GNG2: variants seen among roughly 807,000 people sequenced by gnomAD.
GNG2 encodes G protein subunit gamma 2.
In GNG2, 5 loss-of-function variants were observed where a neutral mutation model predicts 5.5. That is an observed-to-expected ratio of 0.91 (90% CI 0.48 to 1.92). The LOEUF (loss-of-function observed/expected upper bound fraction) is 1.92. GNG2 is among the 30% of genes most tolerant of loss of function. The pLI is 0.01. For missense variants in GNG2, 55 were observed against 88.4 expected (o/e 0.62, Z 1.52); for synonymous variants, 28 against 32.0 (o/e 0.88, Z 0.42).
At chr14:51,911,196 A>C (rs4901174) in intron 2 of GNG2, among the ~76,000 whole-genome samples, 2 of 152,096 alleles carry the variant, frequency 1.3e-5, no homozygotes, top group African/African-American at 4.8e-5. Flanking sequence ...CAAAGTGTAA[A>C]GTGGCTTGGT....
intron 1 of GNG2, among the ~76,000 whole-genome samples, chr14:51,865,321 C>T (rs2140109721): frequency 6.6e-6 from 1 of 152,106 alleles, no homozygotes; most frequent in Middle Eastern, 3.4e-3. Context: ...ATTTAGTCTC[C>T]ACCCTCCCAC....
upstream of GNG2, among the ~76,000 whole-genome samples, chr14:51,856,968 C>T (rs1882191176): frequency 6.6e-6 from 1 of 152,152 alleles, no homozygotes; most frequent in South Asian, 2.1e-4. Flanking sequence ...TTTGAGACTT[C>T]CTTTTCCTCC....
chr14:51,943,007 G>A (rs548708039), intron 2 of GNG2, among the ~76,000 whole-genome samples: 3 of 152,108 alleles, frequency 2.0e-5, no homozygotes, highest in East Asian at 3.9e-4. Flanking sequence ...TTCAGGAATC[G>A]ATTTTCCCCA....
chr14:51,905,503 C>T (rs1885858921), intron 2 of GNG2, among the ~76,000 whole-genome samples: 2 of 152,132 alleles, frequency 1.3e-5, no homozygotes, highest in Non-Finnish European at 2.9e-5. Context: ...TTTAGATTAA[C>T]AGTGAAAAAA....
intron 1 of GNG2, among the ~76,000 whole-genome samples, chr14:51,868,598 T>C (rs989302961): frequency 3.3e-5 from 5 of 152,172 alleles, no homozygotes; most frequent in Non-Finnish European, 5.9e-5. Flanking sequence ...GATTCAGCCA[T>C]GTAAAGATAT....
At chr14:51,915,333 G>C (rs1181822639) in intron 2 of GNG2, among the ~76,000 whole-genome samples, 1 of 152,200 alleles carries the variant, frequency 6.6e-6, no homozygotes, top group Non-Finnish European at 1.5e-5. Context: ...CATTATGAGG[G>C]AGAGGATGCA....
chr14:51,866,387 C>A (rs768047766), intron 1 of GNG2, among the ~76,000 whole-genome samples: 8 of 152,114 alleles, frequency 5.3e-5, no homozygotes, highest in Non-Finnish European at 1.2e-4. Flanking sequence ...TCAACCAAGT[C>A]CCTACTGCCT....
chr14:51,926,619 C>G (rs1325890337), intron 2 of GNG2, among the ~76,000 whole-genome samples: 3 of 152,120 alleles, frequency 2.0e-5, no homozygotes, highest in African/African-American at 7.2e-5. Context: ...GCAGAGTGCA[C>G]GCTGGGGTGG....
intron 3 of GNG2, among the ~76,000 whole-genome samples, 190 bp from the exon 4 acceptor site, chr14:51,966,369 C>T (rs1323713824): frequency 6.6e-6 from 1 of 152,174 alleles, no homozygotes; most frequent in Non-Finnish European, 1.5e-5. Flanking sequence ...CCCAGACTTG[C>T]TGGCAACAAT....
At chr14:51,863,550 A>G (rs182063819) in intron 1 of GNG2, among the ~76,000 whole-genome samples, 1 of 152,308 alleles carries the variant, frequency 6.6e-6, no homozygotes, top group Non-Finnish European at 1.5e-5. Flanking sequence ...AACATTTCCC[A>G]TTTTAACTAT....
rs79037799 is a variant in GNG2, at chr14:51,847,950, G to A, written c.64+20143G>A. Among the ~76,000 whole-genome samples the A allele has an allele frequency of 8.0e-3, 966 of 120,524 alleles. 8 individuals are homozygous for A. Among genetic ancestry groups the A allele is most frequent in the Middle Eastern group, 0.034 (5 of 146 alleles). The allele number at this position is 120,524 out of a possible 152,430, so 79.1% of individuals were successfully genotyped here. ...CCTCTCATCTTCCTTTTTAACAGTG[G>A]AAGATTAGGCTTTTCCTTTTTCCTC... On this transcript the variant is annotated intron_variant, in intron 2 of 3. Transcript: ENST00000553432.
At chr14:51,946,760 A>G (rs574242453) in intron 2 of GNG2, among the ~76,000 whole-genome samples, 2 of 152,252 alleles carry the variant, frequency 1.3e-5, no homozygotes, top group East Asian at 3.9e-4. Context: ...ACGTGACTCT[A>G]AACCCAAAAT....
intron 1 of GNG2, among the ~76,000 whole-genome samples, chr14:51,864,212 A>T (rs760576309): frequency 5.3e-5 from 8 of 152,076 alleles, no homozygotes; most frequent in Non-Finnish European, 8.8e-5. Flanking sequence ...CCATTTTAAG[A>T]GGTATGAAGT....
At chr14:51,929,319 A>G (rs1887520122) in intron 2 of GNG2, among the ~76,000 whole-genome samples, 1 of 152,172 alleles carries the variant, frequency 6.6e-6, no homozygotes, top group South Asian at 2.1e-4. Flanking sequence ...TCCCATTCCT[A>G]TCTACCCCCG....
chr14:51,896,162 G>A (rs1277860837), intron 2 of GNG2, among the ~76,000 whole-genome samples: 1 of 152,178 alleles, frequency 6.6e-6, no homozygotes, highest in Non-Finnish European at 1.5e-5. Flanking sequence ...GTCAAGATGG[G>A]ATACTAAAAA....
intron 2 of GNG2, among the ~76,000 whole-genome samples, chr14:51,835,622 A>G (rs73287171): frequency 0.098 from 14,832 of 152,120 alleles, 1,271 homozygotes; most frequent in African/African-American, 0.23. Context: ...TGCATCTAGA[A>G]AGCCATTTTA....
chr14:51,922,330 G>A (rs929429798), intron 2 of GNG2, among the ~76,000 whole-genome samples: 1 of 152,186 alleles, frequency 6.6e-6, no homozygotes, highest in Non-Finnish European at 1.5e-5. Context: ...AGAAGAAGAA[G>A]ACAAGAAATT....
intron 2 of GNG2, among the ~76,000 whole-genome samples, chr14:51,894,448 T>C (rs1885058681): frequency 2.0e-5 from 3 of 152,132 alleles, no homozygotes. Context: ...ACTTAAGAAA[T>C]GTTAAAGCAG....
intron 2 of GNG2, among the ~76,000 whole-genome samples, chr14:51,888,565 C>T (rs886538377): frequency 5.3e-5 from 8 of 152,128 alleles, no homozygotes; most frequent in South Asian, 2.1e-4. Flanking sequence ...AGTAATCTTC[C>T]TACCTCAGCC....
Sources: allele counts gnomAD v4.1 joint callset (sites outside exome capture counted in the v4.1 genomes callset), GRCh38; gene constraint gnomAD v4.1.1; transcripts MANE v1.5; gene names NCBI Gene and HGNC (gene_info 2026-07-23, HGNC 2026-07-21).